CD302: variants seen among roughly 807,000 people sequenced by gnomAD.
CD302 encodes CD302 molecule.
Under a neutral mutation model 26.5 loss-of-function variants are expected in CD302, and 23 were observed. The observed-to-expected ratio is 0.87, with a 90% CI of 0.62 to 1.23. CD302 has a LOEUF of 1.23. CD302 is among the 50% of genes most tolerant of loss of function. The pLI, the probability that CD302 is intolerant of heterozygous loss-of-function variation, is 0.00. For missense variants in CD302, 290 were observed against 275.5 expected (o/e 1.05, Z -0.37); for synonymous variants, 90 against 99.4 (o/e 0.91, Z 0.56).
intron 5 of CD302, among the ~76,000 whole-genome samples, chr2:159,777,045 C>T (rs1049642839): frequency 6.6e-6 from 1 of 151,986 alleles, no homozygotes; most frequent in African/African-American, 2.4e-5. Context: ...TCCTTTGAAC[C>T]CAGGAGTTTG....
At chr2:159,783,664 G>A (rs539930166) in intron 1 of CD302, among the ~76,000 whole-genome samples, 195 bp from the exon 2 acceptor site, 1 of 152,248 alleles carries the variant, frequency 6.6e-6, no homozygotes, top group African/African-American at 2.4e-5. Context: ...CGGGAAAAGA[G>A]AAATGTGCCA....
chr2:159,782,538 G>A (rs1708549585), intron 2 of CD302, among the ~76,000 whole-genome samples: 1 of 151,274 alleles, frequency 6.6e-6, no homozygotes, highest in African/African-American at 2.4e-5. Context: ...TTTCAGACCA[G>A]CCTGGGCAAC....
At chr2:159,777,846 T>G (rs1262354717) in intron 5 of CD302, 92 bp downstream of exon 5, 6 of 629,312 alleles carry the variant, frequency 9.5e-6, no homozygotes, top group Non-Finnish European at 1.5e-5. Flanking sequence ...ATTACATAAT[T>G]TTAAAAAGGG....
At chr2:159,777,638 C>T (rs1708374760) in intron 5 of CD302, among the ~76,000 whole-genome samples, 1 of 151,886 alleles carries the variant, frequency 6.6e-6, no homozygotes, top group South Asian at 2.1e-4. Flanking sequence ...AGAGAATGGA[C>T]AATATATGAT....
chr2:159,780,812 A>G (rs1708482450), intron 3 of CD302, 70 bp downstream of exon 3: 1 of 1,383,562 alleles, frequency 7.2e-7, no homozygotes. Flanking sequence ...AGAGAATTGA[A>G]AAGCCATCAG....
Position 159,771,964 on chromosome 2 carries a change from G to GT in CD302, c.585dup (p.His196ThrfsTer3), listed in dbSNP as rs769756355. The GT allele has an allele frequency of 1.5e-5, 25 of 1,613,980 alleles. No homozygotes were observed. The highest frequency in any genetic ancestry group is 2.0e-5 in the Non-Finnish European group (24 of 1,179,932). On this transcript the variant is annotated frameshift_variant, in exon 6 of 6. Transcript: ENST00000259053. LOFTEE classifies it high-confidence loss of function. ...ACTGTGGTGAAACGAGAATCAGAAT[G>GT]TTTTTTGTACAGGAACCAAATGATT...
intron 1 of CD302, among the ~76,000 whole-genome samples, chr2:159,794,302 T>TAAAAAAA (rs10656352): frequency 8.8e-6 from 1 of 113,460 alleles, no homozygotes; most frequent in African/African-American, 3.4e-5. Flanking sequence ...TAAAATAAAA[T>TAAAAAAA]AATAAAAAAA....
chr2:159,776,470 A>G (rs1198747737), intron 5 of CD302, among the ~76,000 whole-genome samples: 3 of 152,042 alleles, frequency 2.0e-5, no homozygotes, highest in Non-Finnish European at 4.4e-5. Context: ...TTTTTGAAGA[A>G]CCACCACACT....
intron 5 of CD302, among the ~76,000 whole-genome samples, chr2:159,774,354 G>T (rs1485352003): frequency 6.6e-6 from 1 of 152,096 alleles, no homozygotes; most frequent in Non-Finnish European, 1.5e-5. Context: ...TCTATAAATT[G>T]TGAAGACTAC....
intron 1 of CD302, among the ~76,000 whole-genome samples, chr2:159,786,927 G>T (rs781022816): frequency 6.6e-6 from 1 of 152,008 alleles, no homozygotes; most frequent in Non-Finnish European, 1.5e-5. Context: ...TAACACCATC[G>T]ATTAGTTTTG....
At chr2:159,782,783 C>T (rs886929577) in intron 2 of CD302, among the ~76,000 whole-genome samples, 4 of 151,580 alleles carry the variant, frequency 2.6e-5, no homozygotes, top group African/African-American at 9.7e-5. Flanking sequence ...AATCTATTTC[C>T]TAGAGAACAC....
chr2:159,792,197 C>A (rs1364906454), intron 1 of CD302, among the ~76,000 whole-genome samples: 1 of 152,084 alleles, frequency 6.6e-6, no homozygotes, highest in Non-Finnish European at 1.5e-5. Flanking sequence ...TGGCTGTGGG[C>A]AGGACACCAC....
chr2:159,792,002 CTTA>C lies in CD302; in HGVS notation c.67+6127_67+6129del, dbSNP rs533372559. 1.4e-3 allele frequency among the ~76,000 whole-genome samples: 212 copies of C among 152,298 alleles called. 1 individual carries two copies. The highest frequency in any genetic ancestry group is 5.8e-4 in the East Asian group (3 of 5,192). ...AATTAGCAGCTTAAAACAAGAAACA[CTTA>C]TTATATACAGTTTCTCTGGGTCAGG... On this transcript the variant is annotated intron_variant, in intron 1 of 5. Transcript: ENST00000259053.
At chr2:159,786,332 CTTTTTTT>C (rs56163054) in intron 1 of CD302, among the ~76,000 whole-genome samples, 15 of 112,682 alleles carry the variant, frequency 1.3e-4, no homozygotes, top group Admixed American at 2.8e-4. Context: ...TTGTCTTTTT[CTTTTTTT>C]TTTTTTTTTT....
At chr2:159,781,274 C>T (rs968523889) in intron 2 of CD302, among the ~76,000 whole-genome samples, 5 of 151,796 alleles carry the variant, frequency 3.3e-5, no homozygotes, top group Admixed American at 6.6e-5. Context: ...AGGGGCTGGG[C>T]GTGGTGGCTC....
chr2:159,798,207 G>T lies in CD302; in HGVS notation c.-9C>A. On this transcript the variant is annotated 5_prime_UTR_variant, in exon 1 of 6. Transcript: ENST00000259053. The stretch of plus-strand genomic sequence containing the variant: ...AGCGCGGCCCGGAGCATGACGGCGG[G>T]TGCGGGTGGGCGGCAGCGGCTGCGC... 1 of 1,420,886 alleles carries T rather than the reference G, an allele frequency of 7.0e-7. No homozygotes were observed. Among genetic ancestry groups the T allele is most frequent in the Non-Finnish European group, 9.2e-7 (1 of 1,092,110 alleles). 88.0% of individuals were successfully genotyped at this position (1,420,886 alleles called of 1,614,324 possible).
At chr2:159,785,130 A>G (rs1437803647) in intron 1 of CD302, among the ~76,000 whole-genome samples, 1 of 151,656 alleles carries the variant, frequency 6.6e-6, no homozygotes, top group Non-Finnish European at 1.5e-5. Flanking sequence ...ACACAACACT[A>G]CACCCGGCTA....
intron 1 of CD302, among the ~76,000 whole-genome samples, chr2:159,786,332 C>CTT (rs56163054): frequency 3.5e-5 from 4 of 112,682 alleles, no homozygotes; most frequent in African/African-American, 9.2e-5. Flanking sequence ...TTGTCTTTTT[C>CTT]TTTTTTTTTT....
intron 5 of CD302, among the ~76,000 whole-genome samples, chr2:159,777,260 A>AAAT (rs1292342178): frequency 1.3e-5 from 2 of 152,208 alleles, no homozygotes; most frequent in African/African-American, 4.8e-5. Flanking sequence ...ATATACAAAT[A>AAAT]AATAATCATC....
Sources: allele counts gnomAD v4.1 joint callset (sites outside exome capture counted in the v4.1 genomes callset), GRCh38; gene constraint gnomAD v4.1.1; transcripts MANE v1.5; gene names NCBI Gene and HGNC (gene_info 2026-07-23, HGNC 2026-07-21).